WWP1: variants seen among roughly 807,000 people sequenced by gnomAD.
WWP1 encodes WW domain containing E3 ubiquitin protein ligase 1, also known as NEDD4-like E3 ubiquitin-protein ligase WWP1.
A neutral mutation model predicts 130.6 loss-of-function variants in WWP1; 49 were observed. That is an observed-to-expected ratio of 0.38 (90% CI 0.30 to 0.48). WWP1 has a LOEUF of 0.48. Ranked by LOEUF, WWP1 falls within the 20% of genes least tolerant of loss-of-function variation. WWP1 has a pLI of 0.99. For missense variants in WWP1, 809 were observed against 1,100.6 expected (o/e 0.74, Z 3.75); for synonymous variants, 332 against 367.8 (o/e 0.90, Z 1.11).
chr8:86,405,364 G>A (rs1808220255), intron 8 of WWP1, among the ~76,000 whole-genome samples: 1 of 134,436 alleles, frequency 7.4e-6, no homozygotes, highest in Non-Finnish European at 1.6e-5. Context: ...CTCATTTGAT[G>A]GCAAAATGAC....
intron 1 of WWP1, among the ~76,000 whole-genome samples, chr8:86,355,581 CAT>C (rs1823205655): frequency 6.6e-6 from 1 of 152,128 alleles, no homozygotes; most frequent in African/African-American, 2.4e-5. Flanking sequence ...GTTTGATCTT[CAT>C]AGAGTGAGAA....
chr8:86,408,614 T>C (rs6988382), intron 8 of WWP1, among the ~76,000 whole-genome samples: 8,244 of 152,340 alleles, frequency 0.054, 378 homozygotes, highest in African/African-American at 0.12. Context: ...AGTAATGTTT[T>C]TTAAAGTGTT....
intron 11 of WWP1, among the ~76,000 whole-genome samples, chr8:86,429,750 A>G (rs1347438031): frequency 5.3e-5 from 8 of 152,170 alleles, no homozygotes. Context: ...ATAATTTCCT[A>G]TATGTTCTTC....
intron 1 of WWP1, among the ~76,000 whole-genome samples, chr8:86,364,812 AAAG>A (rs1486984650): frequency 3.9e-5 from 5 of 129,752 alleles, no homozygotes; most frequent in Non-Finnish European, 8.4e-5. Context: ...GCCTCGAAAG[AAAG>A]AAAGAAAGAA....
At chr8:86,434,496 T>C (rs1046119001) in intron 14 of WWP1, among the ~76,000 whole-genome samples, 1 of 152,238 alleles carries the variant, frequency 6.6e-6, no homozygotes, top group Non-Finnish European at 1.5e-5. Flanking sequence ...TGTCACTTTG[T>C]CTGTGAGCTC....
At chr8:86,349,374 CTTA>C (rs1363819271) in intron 1 of WWP1, among the ~76,000 whole-genome samples, 1 of 152,174 alleles carries the variant, frequency 6.6e-6, no homozygotes, top group Non-Finnish European at 1.5e-5. Context: ...TCATTTCTGC[CTTA>C]TTATACTGGT....
At chr8:86,364,039 A>AT (rs1563467525) in intron 1 of WWP1, among the ~76,000 whole-genome samples, 1 of 152,162 alleles carries the variant, frequency 6.6e-6, no homozygotes, top group African/African-American at 2.4e-5. Context: ...CTCTGATCAT[A>AT]TTTTCTGGTG....
rs538060697 is a variant in WWP1, at chr8:86,417,594, A to G, written c.1061+5720A>G. Among the ~76,000 whole-genome samples the G allele has an allele frequency of 2.7e-4, 41 of 152,336 alleles. 1 individual carries two copies. In the East Asian group the frequency reaches 7.9e-3, roughly 29 times the overall value. On this transcript the variant is annotated intron_variant, in intron 9 of 24. Transcript: ENST00000517970. ...CTTGGAACGTAAGTGCTTACTGAAT[A>G]TTTGTTAGATGGTAAGTTAGAAATA...
chr8:86,394,951 A>AAAAG (rs1807571968), intron 5 of WWP1, among the ~76,000 whole-genome samples: 1 of 150,958 alleles, frequency 6.6e-6, no homozygotes, highest in African/African-American at 2.4e-5. Flanking sequence ...AAAAAAAAAA[A>AAAAG]AAAAGCCAGG....
At chr8:86,402,963 A>G (rs1476911862) in intron 8 of WWP1, among the ~76,000 whole-genome samples, 1 of 152,154 alleles carries the variant, frequency 6.6e-6, no homozygotes, top group African/African-American at 2.4e-5. Context: ...CAGAAAGTTT[A>G]TTTTCCAAAA....
chr8:86,373,293 C>T (rs1238282381), intron 2 of WWP1, among the ~76,000 whole-genome samples: 5 of 151,800 alleles, frequency 3.3e-5, no homozygotes, highest in Non-Finnish European at 7.4e-5. Flanking sequence ...TCATGAATAC[C>T]TGAGAAAAAT....
chr8:86,347,847 A>G (rs375423543), intron 1 of WWP1, among the ~76,000 whole-genome samples: 1 of 152,254 alleles, frequency 6.6e-6, no homozygotes, highest in South Asian at 2.1e-4. Flanking sequence ...TCCAAAATAT[A>G]TATAGATTGG....
rs1475486828 is a variant in WWP1, at chr8:86,342,744, C to G, written c.-301C>G. ...GGGGGGAGGGTCGGGTGTCGGCGAGCTCCGCGTGCGGGTTCCGAGTGGCTG... is the reference window on the plus strand; with the variant it reads ...GGGGGGAGGGTCGGGTGTCGGCGAGGTCCGCGTGCGGGTTCCGAGTGGCTG... On this transcript the variant is annotated 5_prime_UTR_variant, in exon 1 of 25. Transcript: ENST00000517970. 8.3e-6 allele frequency: 3 copies of G among 361,128 alleles called. No individual in the cohort carries two copies. The highest frequency in any genetic ancestry group is 9.9e-6 in the Non-Finnish European group (2 of 202,172). 22.4% of individuals were successfully genotyped at this position (361,128 alleles called of 1,614,324 possible). A position where few individuals can be genotyped will look rare whatever the true frequency, so the allele number is the denominator to read the frequency against.
At chr8:86,349,126 A>G (rs1053961818) in intron 1 of WWP1, among the ~76,000 whole-genome samples, 21 of 152,110 alleles carry the variant, frequency 1.4e-4, no homozygotes, top group Admixed American at 2.6e-4. Flanking sequence ...GGTTCAAGCA[A>G]TTCTCCTGCC....
intron 5 of WWP1, among the ~76,000 whole-genome samples, chr8:86,382,579 G>A (rs1351251734): frequency 6.6e-6 from 1 of 152,138 alleles, no homozygotes; most frequent in South Asian, 2.1e-4. Flanking sequence ...TGTGCCTGTT[G>A]TCCCAGCTAC....
At chr8:86,439,867 C>CA (rs1810500102) in intron 17 of WWP1, among the ~76,000 whole-genome samples, 2 of 152,172 alleles carry the variant, frequency 1.3e-5, no homozygotes, top group South Asian at 4.1e-4. Context: ...CTTTTTTGAA[C>CA]TCATTTCAGA....
intron 18 of WWP1, among the ~76,000 whole-genome samples, chr8:86,444,391 A>G (rs529811526): frequency 6.6e-6 from 1 of 152,338 alleles, no homozygotes; most frequent in South Asian, 2.1e-4. Context: ...AAGTCTGGCA[A>G]TGAAAGGATA....
At chr8:86,402,290 G>A (rs1364524538) in intron 8 of WWP1, 87 bp downstream of exon 8, 1 of 1,447,442 alleles carries the variant, frequency 6.9e-7, no homozygotes, top group Non-Finnish European at 9.2e-7. Context: ...CCCTTTTTGT[G>A]TAGTCTTTTT....
At chr8:86,389,154 TTC>T (rs1319389207) in intron 5 of WWP1, among the ~76,000 whole-genome samples, 1 of 152,024 alleles carries the variant, frequency 6.6e-6, no homozygotes. Flanking sequence ...AATATGTGGT[TTC>T]TTTTTTTTTT....
Sources: allele counts gnomAD v4.1 joint callset (sites outside exome capture counted in the v4.1 genomes callset), GRCh38; gene constraint gnomAD v4.1.1; transcripts MANE v1.5; gene names NCBI Gene and HGNC (gene_info 2026-07-23, HGNC 2026-07-21).